MAPK15: variants seen among roughly 807,000 people sequenced by gnomAD.
MAPK15 encodes the protein ERK-7.
Under a neutral mutation model 60.8 loss-of-function variants are expected in MAPK15, and 61 were observed. The ratio of observed to expected loss-of-function variants is 1.00; its 90% CI spans 0.82 to 1.24. MAPK15 has a LOEUF of 1.24. Among genes scored for constraint, MAPK15 ranks in the 50% most tolerant of loss-of-function variants. MAPK15 has a pLI of 0.00. For synonymous variants in MAPK15, 356 were observed against 319.9 expected, an observed-to-expected ratio of 1.11 and a Z score of -1.21; for missense variants, 808 against 741.1, an observed-to-expected ratio of 1.09 and a Z score of -1.05.
chr8:143,719,668 G>A (rs1329616728), intron 7 of MAPK15, among the ~76,000 whole-genome samples, 186 bp downstream of exon 7: 2 of 152,134 alleles, frequency 1.3e-5, no homozygotes, highest in Admixed American at 6.5e-5. Context: ...GAGCTGCTGG[G>A]GGTGGGTGTG....
At position 143,722,177 on chromosome 8, in the gene MAPK15, T is replaced by G; in HGVS notation, c.1561T>G (p.Tyr521Asp). The stretch of plus-strand genomic sequence containing the variant: ...GGGTGCCAGGGCTTTGCTTGGAGGC[T>G]ACTCCCAAGCCTACGGGACTGTCTG... ...QGGARALLGG[Y>D]SQAYGTVCHS... Residue 521 changes from tyrosine to aspartate, a missense_variant, in exon 14 of 14, where the codon TAC (tyrosine) becomes GAC (aspartate). Physicochemically the swap from Tyr to Asp is radical, Grantham distance 160. Coordinates refer to ENST00000338033, the MANE Select transcript of MAPK15 (RefSeq NM_139021.3). The G allele has an allele frequency of 6.2e-7, 1 of 1,610,444 alleles. No homozygotes were observed.
In MAPK15 at chr8:143,719,057, C is replaced by G; in HGVS notation, c.482C>G (p.Ser161Cys). Residue 161 changes from serine (S) to cysteine (C), a missense_variant, in exon 6 of 14, where the codon TCC becomes TGC. Coordinates refer to ENST00000338033, the MANE Select transcript of MAPK15 (RefSeq NM_139021.3). ...CTGTGTGACTTTGGCCTGGCCCGCT[C>G]CCTGGGCGACCTCCCCGAGGGGCCT... ...VKLCDFGLAR[S>C]LGDLPEGPED... 1 of 1,589,318 alleles carries G rather than the reference C, an allele frequency of 6.3e-7. No individual in the cohort carries two copies. The highest frequency in any genetic ancestry group is 8.6e-7 in the Non-Finnish European group (1 of 1,168,496).
In MAPK15 at chr8:143,720,896, G is replaced by C. The variant is rs554055666; in HGVS notation, c.917+56G>C. Reference sequence around the variant, plus strand: ...GGGGGACAGAGGTGGGGGCAGGAGAGAGCCAGCCCATGAGGGACAGCCCCC... The same window carrying C: ...GGGGGACAGAGGTGGGGGCAGGAGACAGCCAGCCCATGAGGGACAGCCCCC... On this transcript the variant is annotated intron_variant, in intron 9 of 13. Coordinates refer to ENST00000338033, the MANE Select transcript of MAPK15 (RefSeq NM_139021.3). This position sits in a 1 kb window ranked among gnomAD's most constrained non-coding sequence, Gnocchi z 4.6. 760 of 1,591,744 alleles carry C rather than the reference G, an allele frequency of 4.8e-4. 13 individuals are homozygous for C. In the South Asian group the frequency reaches 8.1e-3, roughly 17 times the overall value.
chr8:143,716,353 A>T lies in MAPK15; in HGVS notation c.-25A>T, dbSNP rs782539021. ...TCCCACGGCAACCGACTCAACAGTA[A>T]GGCCCCGCGGGCGTCCTGGCCGCCA... On this transcript the variant is annotated 5_prime_UTR_variant, in exon 1 of 14. It adds an upstream start codon to the 5' untranslated region. Coordinates refer to ENST00000338033, the MANE Select transcript of MAPK15 (RefSeq NM_139021.3). 6.3e-7 allele frequency: 1 copy of T among 1,585,576 alleles called. No individual in the cohort carries two copies. The highest frequency in any genetic ancestry group is 8.6e-7 in the Non-Finnish European group (1 of 1,169,394).
chr8:143,721,361 G>A lies in MAPK15; in HGVS notation c.1154G>A (p.Gly385Asp), dbSNP rs34115313. 22,176 of 1,613,374 alleles carry A rather than the reference G, an allele frequency of 0.014. 215 individuals carry two copies. Among genetic ancestry groups the A allele is most frequent in the Non-Finnish European group, 0.015 (18,214 of 1,179,840 alleles). Residue 385 changes from glycine (G) to aspartate (D), a missense_variant, in exon 11 of 14, where the codon GGT becomes GAT. Physicochemically the swap from Gly to Asp is moderately conservative, Grantham distance 94. Transcript: ENST00000338033. ...PQLPSRTPVQGPRPRPQSSPG... is the reference protein window; with the variant it reads ...PQLPSRTPVQDPRPRPQSSPG... ...CTGCCTTCTAGGACACCTGTGCAGG[G>A]TCCCAGACCCAGGCCCCAGAGCAGC... is the stretch of plus-strand genomic sequence containing the variant.
rs782048464 is a variant in MAPK15 at position 143,720,869 on chromosome 8, C to CG, written c.917+35dup. The CG allele has an allele frequency of 1.1e-5, 17 of 1,603,738 alleles. No homozygotes were observed. Among genetic ancestry groups the CG allele is most frequent in the Admixed American group, 1.7e-5 (1 of 59,830 alleles). On this transcript the variant is annotated intron_variant, in intron 9 of 13. Coordinates refer to ENST00000338033, the MANE Select transcript of MAPK15 (RefSeq NM_139021.3). This position sits in a 1 kb window ranked among gnomAD's most constrained non-coding sequence, Gnocchi z 4.6. ...GGGGTGGGAGAGAGTCCCCCAAGTG[C>CG]GGGGGGACAGAGGTGGGGGCAGGAG...
rs1266215034 is a variant in MAPK15, at chr8:143,720,074, C to T, written c.722-156C>T. On this transcript the variant is annotated intron_variant, in intron 7 of 13. Transcript: ENST00000338033. The surrounding 1 kb of genome is among the most constrained non-coding windows in gnomAD (Gnocchi z 4.6). ...GCTCCCGTGCACAGGCTGGGTGGCACGCCCTGGTGATGGGGTGTTTGAGCC... is the reference window on the plus strand; with the variant it reads ...GCTCCCGTGCACAGGCTGGGTGGCATGCCCTGGTGATGGGGTGTTTGAGCC... 2.8e-5 allele frequency: 31 copies of T among 1,088,254 alleles called. No individual in the cohort carries two copies. Among genetic ancestry groups the T allele is most frequent in the South Asian group, 9.0e-5 (6 of 66,764 alleles). The allele number at this position is 1,088,254 out of a possible 1,614,324, so 67.4% of individuals were successfully genotyped here. A position where few individuals can be genotyped will look rare whatever the true frequency, so the allele number is the denominator to read the frequency against.
intron 5 of MAPK15, 27 bp downstream of exon 5, chr8:143,718,932 C>A: frequency 6.3e-7 from 1 of 1,598,284 alleles, no homozygotes; most frequent in Non-Finnish European, 8.5e-7. Flanking sequence ...CCCGCTATGC[C>A]ACGTGGCCCG....
Position 143,720,235 on chromosome 8 carries a change from C to G in MAPK15, c.727C>G (p.Leu243Val). 3 of 1,578,954 alleles carry G rather than the reference C, an allele frequency of 1.9e-6. No individual in the cohort carries two copies. Among genetic ancestry groups the G allele is most frequent in the Non-Finnish European group, 2.6e-6 (3 of 1,161,794 alleles). ...TIPPPSEEDLLALGSGCRASV... is the reference protein window; with the variant it reads ...TIPPPSEEDLVALGSGCRASV... ...ACCACCTTCTGCTGCCCCAGACCTC[C>G]TGGCTCTCGGCTCAGGCTGCCGTGC... Residue 243 changes from leucine (L) to valine (V), a missense_variant, in exon 8 of 14, where the codon CTG becomes GTG. By Grantham distance (32) the Leu-to-Val change is conservative. Transcript: ENST00000338033. The surrounding 1 kb of genome is among the most constrained non-coding windows in gnomAD (Gnocchi z 4.6).
intron 6 of MAPK15, 33 bp from the exon 7 acceptor site, chr8:143,719,310 G>T: frequency 6.4e-7 from 1 of 1,569,268 alleles, no homozygotes; most frequent in African/African-American, 1.4e-5. Flanking sequence ...CTGCCTCTGG[G>T]TCTCTCCATG....
Position 143,720,308 on chromosome 8 carries a change from G to A in MAPK15, c.779+21G>A, listed in dbSNP as rs1554619413. On this transcript the variant is annotated intron_variant, in intron 8 of 13. Transcript: ENST00000338033. The surrounding 1 kb of genome is among the most constrained non-coding windows in gnomAD (Gnocchi z 4.6). ...TCCCGGTGAGTGGGGGCACTTCGGT[G>A]AGGGTGACAGGGTGGCCTATCTCAA... 11 of 1,568,718 alleles carry A rather than the reference G, an allele frequency of 7.0e-6. No individual in the cohort carries two copies. Among genetic ancestry groups the A allele is most frequent in the South Asian group, 2.4e-5 (2 of 84,798 alleles).
Position 143,721,894 on chromosome 8 carries a change from A to G in MAPK15, c.1458+14A>G, listed in dbSNP as rs947374443. 6.4e-7 allele frequency: 1 copy of G among 1,560,198 alleles called. No individual in the cohort carries two copies. The highest frequency in any genetic ancestry group is 8.7e-7 in the Non-Finnish European group (1 of 1,154,188). ...AGCGTACAACAGGTAAGCCCGGCCC[A>G]GTCTGCCCCCGTCCCCTCATCCTCC... On this transcript the variant is annotated intron_variant, in intron 13 of 13. Transcript: ENST00000338033.
chr8:143,719,976 G>A (rs1817981579), intron 7 of MAPK15, among the ~76,000 whole-genome samples: 1 of 152,196 alleles, frequency 6.6e-6, no homozygotes, highest in East Asian at 1.9e-4. Flanking sequence ...GTGGAGGTGG[G>A]CGCCAGCATC....
rs531752068 is a variant in MAPK15, at chr8:143,718,675, G to A, written c.287-100G>A. 7.7e-6 allele frequency: 9 copies of A among 1,167,934 alleles called. No homozygotes were observed. In the South Asian group the frequency reaches 1.3e-4, roughly 18 times the overall value. 72.3% of individuals were successfully genotyped at this position (1,167,934 alleles called of 1,614,324 possible). A position where few individuals can be genotyped will look rare whatever the true frequency, so the allele number is the denominator to read the frequency against. On this transcript the variant is annotated intron_variant, in intron 4 of 13. Transcript: ENST00000338033. ...AGCGGGGCGGCCAGGCCGTGGGCTG[G>A]TTCAAAGTGGGACAGACCTGCCAGG...
In MAPK15 at chr8:143,720,877, CAG is replaced by C. The variant is rs782732265; in HGVS notation, c.917+40_917+41del. 1.7e-5 allele frequency: 28 copies of C among 1,602,690 alleles called. No individual in the cohort carries two copies. The highest frequency in any genetic ancestry group is 2.4e-5 in the Non-Finnish European group (28 of 1,175,828). On this transcript the variant is annotated intron_variant, in intron 9 of 13. Transcript: ENST00000338033. This position sits in a 1 kb window ranked among gnomAD's most constrained non-coding sequence, Gnocchi z 4.6. ...AGAGAGTCCCCCAAGTGCGGGGGGA[CAG>C]AGGTGGGGGCAGGAGAGAGCCAGCC...
intron 1 of MAPK15, among the ~76,000 whole-genome samples, chr8:143,717,014 C>T (rs1273227051): frequency 2.0e-5 from 3 of 152,110 alleles, no homozygotes; most frequent in East Asian, 3.9e-4. Context: ...ACGGTAAGTG[C>T]GTAGGCCCAG....
rs1394843918 is a variant in MAPK15 at position 143,717,557 on chromosome 8, C to G, written c.67-137C>G. Reference sequence around the variant, plus strand: ...AGATGTCGGAGTCTAGGGCAGCCTGCAGTTGCGGGAGCCCACACTCCCATC... The same window carrying G: ...AGATGTCGGAGTCTAGGGCAGCCTGGAGTTGCGGGAGCCCACACTCCCATC... On this transcript the variant is annotated intron_variant, in intron 1 of 13. Transcript: ENST00000338033. 1.1e-5 allele frequency: 8 copies of G among 695,894 alleles called. No homozygotes were observed. In the African/African-American group the frequency reaches 1.4e-4, roughly 12 times the overall value. 43.1% of individuals were successfully genotyped at this position (695,894 alleles called of 1,614,324 possible). A position where few individuals can be genotyped will look rare whatever the true frequency, so the allele number is the denominator to read the frequency against.
rs782603320 is a variant in MAPK15 at position 143,721,632 on chromosome 8, C to T, written c.1288C>T (p.Pro430Ser). 2.4e-5 allele frequency: 38 copies of T among 1,610,114 alleles called. No individual in the cohort carries two copies. Among genetic ancestry groups the T allele is most frequent in the Middle Eastern group, 1.6e-4 (1 of 6,066 alleles). The change falls in exon 12 of 14, where the codon CCC becomes TCC. Residue 430 changes from proline to serine, a missense_variant. Pro to Ser is a moderately conservative substitution (Grantham distance 74, BLOSUM62 -1). Coordinates refer to ENST00000338033, the MANE Select transcript of MAPK15 (RefSeq NM_139021.3). ...QTALLGNGER[P>S]PGAKEAPPLT... ...TGCTCTCCTAGGGAATGGGGAAAGG[C>T]CCCCTGGGGCGAAGGAAGCGCCCCC...
At chr8:143,716,496 G>C in intron 1 of MAPK15, 53 bp downstream of exon 1, 1 of 1,543,354 alleles carries the variant, frequency 6.5e-7, no homozygotes, top group Non-Finnish European at 8.8e-7. Flanking sequence ...GATCTGCGGA[G>C]AGAGGACCTG....
Sources: allele counts gnomAD v4.1 joint callset (sites outside exome capture counted in the v4.1 genomes callset), GRCh38; gene constraint gnomAD v4.1.1; non-coding constraint Gnocchi (gnomAD v3.1); transcripts MANE v1.5; gene names NCBI Gene and HGNC (gene_info 2026-07-23, HGNC 2026-07-21).